Variants in KLK14 observed in about 807,000 individuals in gnomAD.
The protein encoded by KLK14 is kallikrein-14.
KLK14 carries 21 observed loss-of-function variants against 24.6 expected under a neutral mutation model. That is an observed-to-expected ratio of 0.85 (90% CI 0.61 to 1.23). KLK14 has a LOEUF of 1.23. KLK14 is among the 50% of genes most tolerant of loss of function. The pLI is 0.00. For synonymous variants in KLK14, 133 were observed against 139.7 expected, an observed-to-expected ratio of 0.95 and a Z score of 0.34; for missense variants, 320 against 338.9, an observed-to-expected ratio of 0.94 and a Z score of 0.44.
At chr19:51,080,513 G>A (rs2091833497) in intron 3 of KLK14, among the ~76,000 whole-genome samples, 2 of 152,292 alleles carry the variant, frequency 1.3e-5, no homozygotes, top group South Asian at 4.1e-4. Flanking sequence ...TCTGGCCTGA[G>A]CTTTGATCTC....
At chr19:51,082,969 C>CAT (rs907396328), upstream of KLK14, 14 of 590,526 alleles carry the variant, frequency 2.4e-5, no homozygotes, top group Non-Finnish European at 4.2e-5. Context: ...CTGCTTCTGA[C>CAT]ATTTTTTTTT....
At chr19:51,081,809 C>A in intron 2 of KLK14, 106 bp from the exon 3 acceptor site, 2 of 1,083,994 alleles carry the variant, frequency 1.8e-6, no homozygotes, top group Middle Eastern at 5.1e-4. Flanking sequence ...TTTGGTCTAA[C>A]CCCTAAACTG....
At chr19:51,084,169 G>GACTCC (rs2091856837), upstream of KLK14, 1 of 152,680 alleles carries the variant, frequency 6.5e-6, no homozygotes, top group Non-Finnish European at 1.5e-5. Context: ...TGAGAGATGG[G>GACTCC]GGAGCAGAGG....
chr19:51,079,591 G>A lies in KLK14; in HGVS notation c.324C>T (p.His108=), dbSNP rs368388935. Reference sequence around the variant, plus strand: ...GCTGCAGCAGCATGAGGTCGTTGTCGTGGGTCCGGGAGTTGTAGTTGGGGT... The same window carrying A: ...GCTGCAGCAGCATGAGGTCGTTGTCATGGGTCCGGGAGTTGTAGTTGGGGT... ...VTHPNYNSRT[H]DNDLMLLQLQ... Residue 108 remains histidine (H), a synonymous_variant, in exon 4 of 6, where the codon CAC becomes CAT. Coordinates refer to ENST00000650543, the MANE Select transcript of KLK14 (RefSeq NM_001369775.2). The A allele has an allele frequency of 1.2e-5, 20 of 1,613,750 alleles. No individual in the cohort carries two copies. The highest frequency in any genetic ancestry group is 1.5e-5 in the Non-Finnish European group (18 of 1,179,954).
chr19:51,077,790 G>C, downstream of KLK14: 1 of 399,776 alleles, frequency 2.5e-6, no homozygotes, highest in Non-Finnish European at 4.3e-6. Context: ...CTGGGGGCCT[G>C]GACTCCCGGG....
Position 51,079,637 on chromosome 19 carries a change from C to G in KLK14, c.278G>C (p.Arg93Pro). Residue 93 changes from arginine to proline, a missense_variant, in exon 4 of 6, where the codon CGC becomes CCC. Transcript: ENST00000650543. ...RRWEATQQVL[R>P]VVRQVTHPNY... ...GGGGTGCGTCACCTGACGAACCACG[C>G]GCAGCACCTGCTGGGTGGCCTCCCA... 3.7e-6 allele frequency: 6 copies of G among 1,607,364 alleles called. No individual in the cohort carries two copies. Among genetic ancestry groups the G allele is most frequent in the Non-Finnish European group, 5.1e-6 (6 of 1,176,862 alleles).
At chr19:51,081,828 T>G in intron 2 of KLK14, 125 bp from the exon 3 acceptor site, 1 of 841,280 alleles carries the variant, frequency 1.2e-6, no homozygotes, top group Non-Finnish European at 1.8e-6. Flanking sequence ...TGCCCGCCTC[T>G]ATCTGTCCCA....
At position 51,081,613 on chromosome 19, in the gene KLK14, G is replaced by A. The variant is rs774654672; in HGVS notation, c.131C>T (p.Ala44Val). The change falls in exon 3 of 6, where the codon GCG becomes GTG. Residue 44 changes from alanine (A) to valine (V), a missense_variant. Coordinates refer to ENST00000650543, the MANE Select transcript of KLK14 (RefSeq NM_001369775.2). ...SSQPWQAALL[A>V]GPRRRFLCGG... ...GCAGAGGAAGCGGCGCCTGGGACCC[G>A]CCAGCAGGGCCGCCTGCCACGGCTG... 2.0e-5 allele frequency: 31 copies of A among 1,551,124 alleles called. No individual in the cohort carries two copies. Among genetic ancestry groups the A allele is most frequent in the East Asian group, 2.4e-5 (1 of 41,008 alleles).
At chr19:51,082,193 G>A (rs1044482976) in intron 2 of KLK14, among the ~76,000 whole-genome samples, 29 of 149,008 alleles carry the variant, frequency 1.9e-4, no homozygotes, top group Non-Finnish European at 3.7e-4. Context: ...CCCATGCCAC[G>A]ATCCCGCCAT....
chr19:51,081,491 G>A, intron 3 of KLK14, 41 bp downstream of exon 3: 1 of 1,434,202 alleles, frequency 7.0e-7, no homozygotes, highest in Non-Finnish European at 9.2e-7. Flanking sequence ...TTTAGACTCT[G>A]GAATTCACTA....
Position 51,078,358 on chromosome 19 carries a change from T to C in KLK14, c.604-199A>G, listed in dbSNP as rs1478532492. On this transcript the variant is annotated intron_variant, in intron 5 of 5. Coordinates refer to ENST00000650543, the MANE Select transcript of KLK14 (RefSeq NM_001369775.2). This position sits in a 1 kb window ranked among gnomAD's most constrained non-coding sequence, Gnocchi z 5.0. Reference sequence around the variant, plus strand: ...TCCCTCTCCGCTGGGTCTGGCTCTGTCTCTGTGTGCACCTGCCTGTCCCTT... The same window carrying C: ...TCCCTCTCCGCTGGGTCTGGCTCTGCCTCTGTGTGCACCTGCCTGTCCCTT... Among the ~76,000 whole-genome samples, 1 of 152,106 alleles carries C rather than the reference T, an allele frequency of 6.6e-6. No homozygotes were observed. Among genetic ancestry groups the C allele is most frequent in the Non-Finnish European group, 1.5e-5 (1 of 67,986 alleles).
At chr19:51,077,570 T>A (rs1208295965), downstream of KLK14, 1 of 162,772 alleles carries the variant, frequency 6.1e-6, no homozygotes, top group African/African-American at 3.3e-5. Flanking sequence ...TGCTGGGGAC[T>A]GGGGCTCCTG....
At chr19:51,077,870 C>T (rs183061856), downstream of KLK14, 412 of 629,668 alleles carry the variant, frequency 6.5e-4, 5 homozygotes, top group African/African-American at 1.4e-3. Context: ...CCTGGACTCC[C>T]GGGTCTGAGG....
At chr19:51,079,336 G>T in intron 4 of KLK14, 113 bp downstream of exon 4, 1 of 1,155,404 alleles carries the variant, frequency 8.7e-7, no homozygotes, top group Non-Finnish European at 1.2e-6. Context: ...CAGGAGTCCA[G>T]GCCCAGCCCC....
At chr19:51,082,003 T>C (rs1379654471) in intron 2 of KLK14, among the ~76,000 whole-genome samples, 4 of 152,048 alleles carry the variant, frequency 2.6e-5, no homozygotes, top group Non-Finnish European at 5.9e-5. Flanking sequence ...CTCCCATAAT[T>C]TCTGTGATCA....
Position 51,078,669 on chromosome 19 carries a change from A to G in KLK14, c.603+146T>C. ...TTACCCAGGGGGCACAGGGCTAGGA[A>G]GCAGGGTGGCCTGGCTATCGGAATC... On this transcript the variant is annotated intron_variant, in intron 5 of 5. Transcript: ENST00000650543. The surrounding 1 kb of genome is among the most constrained non-coding windows in gnomAD (Gnocchi z 5.0). The G allele has an allele frequency of 9.4e-7, 1 of 1,060,488 alleles. No homozygotes were observed. Among genetic ancestry groups the G allele is most frequent in the Non-Finnish European group, 1.4e-6 (1 of 731,360 alleles). The allele number at this position is 1,060,488 out of a possible 1,614,324, so 65.7% of individuals were successfully genotyped here. A position where few individuals can be genotyped will look rare whatever the true frequency, so the allele number is the denominator to read the frequency against.
At position 51,078,947 on chromosome 19, in the gene KLK14, C is replaced by A. The variant is rs774502285; in HGVS notation, c.471G>T (p.Arg157Ser). The A allele has an allele frequency of 2.5e-6, 4 of 1,613,488 alleles. No homozygotes were observed. Among genetic ancestry groups the A allele is most frequent in the African/African-American group, 2.7e-5 (2 of 74,880 alleles). The part of the protein sequence containing the change: ...GWGTISSPIA[R>S]YPASLQCVNI... ...TCACGCATTGCAGAGAGGCGGGGTA[C>A]CTGGCTGGGGGACACTGCAGGGTTA... is the stretch of plus-strand genomic sequence containing the variant. The change falls in exon 5 of 6, where the codon AGG becomes AGT. Residue 157 changes from arginine (R) to serine (S), a missense_variant. Coordinates refer to ENST00000650543, the MANE Select transcript of KLK14 (RefSeq NM_001369775.2). The surrounding 1 kb of genome is among the most constrained non-coding windows in gnomAD (Gnocchi z 5.0).
Position 51,078,986 on chromosome 19 carries a change from C to T in KLK14, c.467-35G>A, listed in dbSNP as rs2091820209. On this transcript the variant is annotated intron_variant, in intron 4 of 5. Coordinates refer to ENST00000650543, the MANE Select transcript of KLK14 (RefSeq NM_001369775.2). This position sits in a 1 kb window ranked among gnomAD's most constrained non-coding sequence, Gnocchi z 5.0. ...ACTGCAGGGTTATAACTGGGTCTAC[C>T]CTCCCATAAGACCCAAGGGTCCAGG... The T allele has an allele frequency of 6.2e-7, 1 of 1,609,002 alleles. No individual in the cohort carries two copies.
rs2091815623 is a variant in KLK14, at chr19:51,078,213, CA to C, written c.604-55del. On this transcript the variant is annotated intron_variant, in intron 5 of 5. Transcript: ENST00000650543. The surrounding 1 kb of genome is among the most constrained non-coding windows in gnomAD (Gnocchi z 5.0). ...CTGATGGACAGGTAGCCAGAGCCAC[CA>C]TGGCACAGAGAACCCGAGAAGCAGA... 3 of 1,578,862 alleles carry C rather than the reference CA, an allele frequency of 1.9e-6. No homozygotes were observed. The African/African-American group carries it at 4.0e-5, about 21-fold the overall frequency.
Sources: gnomAD v4.1 joint callset for allele counts (sites outside exome capture counted in the v4.1 genomes callset) on GRCh38, gnomAD v4.1.1 for gene constraint, Gnocchi (gnomAD v3.1) non-coding constraint, MANE v1.5 for transcripts, NCBI Gene and HGNC (gene_info 2026-07-23, HGNC 2026-07-21) for gene names.